Variants in FMN1 observed in about 807,000 individuals in gnomAD.
FMN1 encodes the protein formin-1.
In FMN1, 110 loss-of-function variants were observed where a neutral mutation model predicts 132.4. The observed-to-expected ratio is 0.83, with a 90% CI of 0.71 to 0.97. The LOEUF is 0.97. FMN1 is among the 50% of genes least tolerant of loss of function. FMN1 has a pLI of 0.00. For synonymous variants in FMN1, 722 were observed against 651.7 expected (o/e 1.11, Z -1.64); for missense variants, 1,792 against 1,705.3 (o/e 1.05, Z -0.90).
chr15:32,939,583 T>C (rs1032584352), intron 9 of FMN1, among the ~76,000 whole-genome samples: 1 of 152,192 alleles, frequency 6.6e-6, no homozygotes, highest in Non-Finnish European at 1.5e-5. Flanking sequence ...TTTCCCTAGC[T>C]TTTCTTTTGT....
intron 9 of FMN1, among the ~76,000 whole-genome samples, chr15:32,963,586 G>A (rs1259258977): frequency 2.6e-5 from 4 of 151,868 alleles, no homozygotes; most frequent in Non-Finnish European, 4.4e-5. Context: ...TAATAGCCAC[G>A]TTACCATACT....
At chr15:33,128,265 AT>A (rs1331858229) in intron 4 of FMN1, among the ~76,000 whole-genome samples, 4 of 152,168 alleles carry the variant, frequency 2.6e-5, no homozygotes, top group African/African-American at 9.7e-5. Context: ...GAGAGCAATA[AT>A]TAGAAGCGCA....
chr15:32,992,097 G>A (rs1158298016), intron 7 of FMN1, among the ~76,000 whole-genome samples: 1 of 152,142 alleles, frequency 6.6e-6, no homozygotes, highest in East Asian at 1.9e-4. Context: ...TGTAGCTGAT[G>A]TTGCCAGATT....
rs139140052 is a variant in FMN1, at chr15:32,909,719, A to T, written c.3288+755T>A. Among the ~76,000 whole-genome samples, 170 of 152,336 alleles carry T rather than the reference A, an allele frequency of 1.1e-3. 1 individual carries two copies. The highest frequency in any genetic ancestry group is 3.9e-3 in the African/African-American group (164 of 41,572). ...AGTCAGTGAACCAAAACAATGAACA[A>T]TCATGGGAATTCTGACTCTCCTGTG... On this transcript the variant is annotated intron_variant, in intron 11 of 20. Transcript: ENST00000616417.
At chr15:33,044,240 T>C (rs2036574998) in intron 6 of FMN1, among the ~76,000 whole-genome samples, 1 of 152,244 alleles carries the variant, frequency 6.6e-6, no homozygotes, top group South Asian at 2.1e-4. Flanking sequence ...ACAAACACTC[T>C]AGGTTCCATG....
intron 6 of FMN1, among the ~76,000 whole-genome samples, chr15:33,052,585 G>C (rs190045658): frequency 1.3e-5 from 2 of 152,262 alleles, no homozygotes. Flanking sequence ...ACCAGAGTTA[G>C]CATCAGACTC....
intron 7 of FMN1, among the ~76,000 whole-genome samples, chr15:33,001,624 C>G (rs1326717137): frequency 5.9e-5 from 7 of 119,418 alleles, no homozygotes; most frequent in Non-Finnish European, 8.3e-5. Flanking sequence ...TTAGAGTGGT[C>G]TTTGTGCTTT....
intron 7 of FMN1, among the ~76,000 whole-genome samples, chr15:32,998,851 T>G (rs937114816): frequency 1.3e-5 from 2 of 152,152 alleles, no homozygotes; most frequent in South Asian, 4.1e-4. Context: ...GCAATCAACA[T>G]TCTACAACAG....
At chr15:32,957,786 A>C (rs1441139535) in intron 9 of FMN1, among the ~76,000 whole-genome samples, 1 of 152,172 alleles carries the variant, frequency 6.6e-6, no homozygotes, top group South Asian at 2.1e-4. Flanking sequence ...GTTATTCCCA[A>C]TTTCGTAGAG....
chr15:33,043,842 C>T (rs552666043), intron 6 of FMN1, among the ~76,000 whole-genome samples: 140 of 152,322 alleles, frequency 9.2e-4, no homozygotes, highest in Non-Finnish European at 1.8e-3. Context: ...TGGAACCAGG[C>T]ATCCCCATGC....
chr15:33,097,132 A>T (rs1394987833), intron 4 of FMN1, among the ~76,000 whole-genome samples: 1 of 151,460 alleles, frequency 6.6e-6, no homozygotes, highest in Admixed American at 6.6e-5. Flanking sequence ...CATCTCTACT[A>T]AAAAAAATAC....
intron 4 of FMN1, among the ~76,000 whole-genome samples, chr15:33,089,242 G>A (rs565338207): frequency 2.9e-4 from 44 of 152,114 alleles, no homozygotes; most frequent in Non-Finnish European, 5.9e-4. Context: ...AGGTTGCATG[G>A]GTCATTCTAT....
intron 4 of FMN1, among the ~76,000 whole-genome samples, chr15:33,144,798 T>C (rs144802080): frequency 2.7e-3 from 412 of 152,192 alleles, no homozygotes; most frequent in Admixed American, 3.8e-3. Flanking sequence ...AAACAACTCA[T>C]TGTGAGCTAT....
intron 17 of FMN1, among the ~76,000 whole-genome samples, chr15:32,848,547 T>A (rs2058917807): frequency 6.6e-6 from 1 of 152,190 alleles, no homozygotes; most frequent in Non-Finnish European, 1.5e-5. Flanking sequence ...CCTTTTAAGT[T>A]GTCCAGTTCA....
At chr15:33,068,700 C>T (rs1193566536) in intron 5 of FMN1, among the ~76,000 whole-genome samples, 7 of 151,854 alleles carry the variant, frequency 4.6e-5, no homozygotes, top group South Asian at 2.1e-4. Flanking sequence ...TCCTAAAGCC[C>T]GTGAGGGATA....
chr15:33,157,173 G>A (rs914817772), intron 3 of FMN1, among the ~76,000 whole-genome samples: 16 of 150,994 alleles, frequency 1.1e-4, no homozygotes, highest in African/African-American at 3.4e-4. Context: ...GCCGAGGCAC[G>A]AGAATCCCTT....
chr15:33,125,325 T>C lies in FMN1; in HGVS notation c.1867+27723A>G, dbSNP rs141211629. Among the ~76,000 whole-genome samples, 85 of 152,346 alleles carry C rather than the reference T, an allele frequency of 5.6e-4. No individual in the cohort carries two copies. The East Asian group carries it at 0.015, about 26-fold the overall frequency. On this transcript the variant is annotated intron_variant, in intron 4 of 20. Coordinates refer to ENST00000616417, the MANE Select transcript of FMN1 (RefSeq NM_001277313.2). ...TGCATAGTAAGCCGTCAAGAAATGTTAGCAATCATCATTTAGGAAAATAGT... is the reference window on the plus strand; with the variant it reads ...TGCATAGTAAGCCGTCAAGAAATGTCAGCAATCATCATTTAGGAAAATAGT...
At chr15:33,059,530 T>C (rs73376701) in intron 6 of FMN1, among the ~76,000 whole-genome samples, 2,309 of 152,310 alleles carry the variant, frequency 0.015, 54 homozygotes, top group African/African-American at 0.053. Context: ...TCTGATCCCA[T>C]GTATTTTCCT....
At chr15:33,084,031 C>CA (rs1285871934) in intron 5 of FMN1, among the ~76,000 whole-genome samples, 4 of 152,200 alleles carry the variant, frequency 2.6e-5, no homozygotes, top group African/African-American at 7.2e-5. Context: ...GAGGGACCCT[C>CA]AATTCCAGGA....
Sources: gnomAD v4.1 joint callset for allele counts (sites outside exome capture counted in the v4.1 genomes callset) on GRCh38, gnomAD v4.1.1 for gene constraint, MANE v1.5 for transcripts, NCBI Gene and HGNC (gene_info 2026-07-23, HGNC 2026-07-21) for gene names.